Variants in MGMT observed in about 807,000 individuals in gnomAD.
MGMT encodes the protein methylated-DNA--protein-cysteine methyltransferase.
MGMT carries 14 observed loss-of-function variants against 15.9 expected under a neutral mutation model. The ratio of observed to expected loss-of-function variants is 0.88; its 90% CI spans 0.58 to 1.37. MGMT has a LOEUF of 1.37. Ranked by LOEUF, MGMT falls within the 40% of genes most tolerant of loss-of-function variation. The pLI, the probability that MGMT is intolerant of heterozygous loss-of-function variation, is 0.00. For missense variants in MGMT, 282 were observed against 268.1 expected (o/e 1.05, Z -0.36); for synonymous variants, 130 against 118.2 (o/e 1.10, Z -0.65).
chr10:129,666,849 A>G (rs764629422), intron 2 of MGMT, among the ~76,000 whole-genome samples: 2 of 152,186 alleles, frequency 1.3e-5, no homozygotes, highest in African/African-American at 2.4e-5. Flanking sequence ...TTTGCTGCTT[A>G]TGAAACATAA....
In MGMT at chr10:129,566,247, G is replaced by A. The variant is rs1333504740; in HGVS notation, c.125+29870G>A. Among the ~76,000 whole-genome samples the A allele has an allele frequency of 6.6e-6, 1 of 152,136 alleles. No homozygotes were observed. Among genetic ancestry groups the A allele is most frequent in the Non-Finnish European group, 1.5e-5 (1 of 68,038 alleles). ...TTGGCTGTCTAGGTGCCAGGGGCTC[G>A]GGACACAGAGCTCCTGGAGGCCGAG... On this transcript the variant is annotated intron_variant, in intron 2 of 4. Transcript: ENST00000651593. The surrounding 1 kb of genome is among the most constrained non-coding windows in gnomAD (Gnocchi z 4.1).
intron 3 of MGMT, among the ~76,000 whole-genome samples, chr10:129,711,167 C>A (rs1461937777): frequency 6.6e-6 from 1 of 152,204 alleles, no homozygotes; most frequent in Non-Finnish European, 1.5e-5. Flanking sequence ...CTTCGCGGTA[C>A]CACCTCACCT....
chr10:129,735,523 G>A (rs1263123697), intron 3 of MGMT, among the ~76,000 whole-genome samples: 2,520 of 151,816 alleles, frequency 0.017, 68 homozygotes, highest in African/African-American at 0.057. Context: ...TCCTGGATTC[G>A]TTAATTTTTT....
chr10:129,479,101 A>G (rs1006298662), intron 1 of MGMT, among the ~76,000 whole-genome samples: 4 of 152,222 alleles, frequency 2.6e-5, no homozygotes, highest in African/African-American at 9.7e-5. Context: ...TACCCAGAAC[A>G]TGTTTGATGA....
At chr10:129,551,566 TG>T (rs1362105929) in intron 2 of MGMT, among the ~76,000 whole-genome samples, 1 of 152,006 alleles carries the variant, frequency 6.6e-6, no homozygotes, top group African/African-American at 2.4e-5. Context: ...AGATCTGGGT[TG>T]CTCTTTATTT....
chr10:129,516,803 C>T (rs1033381058), intron 1 of MGMT, among the ~76,000 whole-genome samples: 9 of 152,164 alleles, frequency 5.9e-5, no homozygotes, highest in African/African-American at 2.2e-4. Context: ...CATCTCCTTC[C>T]CTTTGGAAAC....
At chr10:129,763,537 A>G (rs1167570952) in intron 4 of MGMT, among the ~76,000 whole-genome samples, 2 of 152,122 alleles carry the variant, frequency 1.3e-5, no homozygotes, top group African/African-American at 4.8e-5. Context: ...GGAGAGGGAG[A>G]CATGTTTATT....
chr10:129,614,665 C>T (rs1316011948), intron 2 of MGMT, among the ~76,000 whole-genome samples: 1 of 152,174 alleles, frequency 6.6e-6, no homozygotes, highest in Non-Finnish European at 1.5e-5. Context: ...GGTCTCTTGA[C>T]CTCGATGTTG....
chr10:129,616,410 C>T (rs536036233), intron 2 of MGMT, among the ~76,000 whole-genome samples: 2 of 152,262 alleles, frequency 1.3e-5, no homozygotes, highest in South Asian at 2.1e-4. Flanking sequence ...GAAGGGGAAG[C>T]GAGGGCATAG....
chr10:129,740,990 A>G (rs962484463), intron 3 of MGMT, among the ~76,000 whole-genome samples: 2 of 152,112 alleles, frequency 1.3e-5, no homozygotes, highest in Non-Finnish European at 2.9e-5. Flanking sequence ...TCAAACTTGC[A>G]TTTTCTGAGG....
chr10:129,763,432 TCA>T (rs1848897926), intron 4 of MGMT, among the ~76,000 whole-genome samples: 1 of 152,212 alleles, frequency 6.6e-6, no homozygotes, highest in South Asian at 2.1e-4. Flanking sequence ...CTCTTCCCCA[TCA>T]CAGCATGCTA....
In MGMT at chr10:129,567,335, C is replaced by A. The variant is rs183006388; in HGVS notation, c.125+30958C>A. ...TCCCACCCCCATCCCATGTCCCCAT[C>A]ATAGACCCAGCAGGACAGACCCCCC... On this transcript the variant is annotated intron_variant, in intron 2 of 4. Transcript: ENST00000651593. 1.6e-3 allele frequency among the ~76,000 whole-genome samples: 247 copies of A among 152,130 alleles called. 1 individual carries two copies. The highest frequency in any genetic ancestry group is 5.6e-3 in the African/African-American group (233 of 41,522).
chr10:129,753,972 T>C (rs1181004864), intron 3 of MGMT, among the ~76,000 whole-genome samples: 1 of 152,224 alleles, frequency 6.6e-6, no homozygotes, highest in Non-Finnish European at 1.5e-5. Context: ...AGTTCATAAG[T>C]TCTGACCAGC....
In MGMT at chr10:129,627,637, C is replaced by T. The variant is rs79488705; in HGVS notation, c.126-80258C>T. 5.0e-3 allele frequency among the ~76,000 whole-genome samples: 761 copies of T among 152,244 alleles called. 7 individuals are homozygous for T. Among genetic ancestry groups the T allele is most frequent in the African/African-American group, 0.017 (720 of 41,534 alleles). On this transcript the variant is annotated intron_variant, in intron 2 of 4. Transcript: ENST00000651593. ...TTCCTCACAGCCGTATGATTTCATC[C>T]GGAAGCGGCCTCTAAAAATAAACAC...
At chr10:129,567,024 A>T (rs1846362828) in intron 2 of MGMT, among the ~76,000 whole-genome samples, 1 of 152,076 alleles carries the variant, frequency 6.6e-6, no homozygotes, top group African/African-American at 2.4e-5. Context: ...GTGCGTCTTG[A>T]TGCCCTGGCT....
chr10:129,753,078 G>A (rs946780089), intron 3 of MGMT, among the ~76,000 whole-genome samples: 4 of 152,110 alleles, frequency 2.6e-5, no homozygotes, highest in African/African-American at 9.7e-5. Flanking sequence ...CATTCCTGAA[G>A]GATTCTTAAA....
intron 1 of MGMT, among the ~76,000 whole-genome samples, chr10:129,529,801 T>C (rs538150991): frequency 9.0e-6 from 1 of 111,460 alleles, no homozygotes; most frequent in African/African-American, 2.7e-5. Flanking sequence ...ACATCAACAG[T>C]GTAACATTAG....
chr10:129,568,123 T>A (rs1027731245), intron 2 of MGMT, among the ~76,000 whole-genome samples: 7 of 152,284 alleles, frequency 4.6e-5, no homozygotes, highest in African/African-American at 1.4e-4. Flanking sequence ...CGAGACAGCC[T>A]GGCTGTTTTT....
chr10:129,723,647 T>C (rs1848400215), intron 3 of MGMT, among the ~76,000 whole-genome samples: 1 of 152,182 alleles, frequency 6.6e-6, no homozygotes, highest in Non-Finnish European at 1.5e-5. Flanking sequence ...GACAAAGGAC[T>C]TCTAAGAAGG....
Sources: allele counts gnomAD v4.1 joint callset (sites outside exome capture counted in the v4.1 genomes callset), GRCh38; gene constraint gnomAD v4.1.1; non-coding constraint Gnocchi (gnomAD v3.1); transcripts MANE v1.5; gene names NCBI Gene and HGNC (gene_info 2026-07-23, HGNC 2026-07-21).